TNS3: variants seen among roughly 807,000 people sequenced by gnomAD.
TNS3 encodes the protein tensin 3.
A neutral mutation model predicts 140.9 loss-of-function variants in TNS3; 45 were observed. That is an observed-to-expected ratio of 0.32 (90% CI 0.25 to 0.41). TNS3 has a LOEUF of 0.41. Ranked by LOEUF, TNS3 falls within the 10% of genes least tolerant of loss-of-function variation. The pLI, the probability that TNS3 is intolerant of heterozygous loss-of-function variation, is 1.00. For missense variants in TNS3, 1,716 were observed against 1,906.7 expected (o/e 0.90, Z 1.86); for synonymous variants, 815 against 788.4 (o/e 1.03, Z -0.56).
intron 16 of TNS3, among the ~76,000 whole-genome samples, chr7:47,371,169 T>C (rs1225243205): frequency 2.0e-5 from 3 of 152,062 alleles, no homozygotes; most frequent in Non-Finnish European, 4.4e-5. Flanking sequence ...AAATGCTACA[T>C]AAAATGCTGA....
intron 2 of TNS3, among the ~76,000 whole-genome samples, chr7:47,507,695 A>G (rs1798470175): frequency 6.6e-6 from 1 of 152,152 alleles, no homozygotes; most frequent in African/African-American, 2.4e-5. Context: ...AAACCTCCCC[A>G]CGAGCACCAC....
At chr7:47,526,883 T>C (rs1463367999) in intron 2 of TNS3, among the ~76,000 whole-genome samples, 1 of 152,202 alleles carries the variant, frequency 6.6e-6, no homozygotes, top group Non-Finnish European at 1.5e-5. Context: ...ACCACGACTT[T>C]CCTTTTCCTT....
At chr7:47,520,966 A>G (rs1286528564) in intron 2 of TNS3, among the ~76,000 whole-genome samples, 1 of 152,236 alleles carries the variant, frequency 6.6e-6, no homozygotes, top group Non-Finnish European at 1.5e-5. Flanking sequence ...AGAGCGGATC[A>G]ATGAGCCAGG....
At position 47,358,588 on chromosome 7, in the gene TNS3, C is replaced by T. The variant is rs562142697; in HGVS notation, c.2281+9777G>A. Among the ~76,000 whole-genome samples, 8 of 152,282 alleles carry T rather than the reference C, an allele frequency of 5.3e-5. No homozygotes were observed. In the South Asian group the frequency reaches 1.0e-3, roughly 20 times the overall value. ...GATGAACTGTGGGGAGCGACGCAGC[C>T]GGTGACTTCTGGCAGAAGCCGTGGG... On this transcript the variant is annotated intron_variant, in intron 17 of 30. Coordinates refer to ENST00000311160, the MANE Select transcript of TNS3 (RefSeq NM_022748.12).
At chr7:47,293,422 G>T (rs1353694297) in intron 25 of TNS3, among the ~76,000 whole-genome samples, 1 of 152,160 alleles carries the variant, frequency 6.6e-6, no homozygotes, top group Non-Finnish European at 1.5e-5. Context: ...GTGGGATAGG[G>T]TCATGCTGGA....
At chr7:47,437,867 A>AC (rs1479124046) in intron 6 of TNS3, among the ~76,000 whole-genome samples, 3 of 150,300 alleles carry the variant, frequency 2.0e-5, no homozygotes. Context: ...ACACAAACTG[A>AC]CCCGATAGAG....
intron 4 of TNS3, among the ~76,000 whole-genome samples, chr7:47,459,132 C>T (rs1247640360): frequency 6.6e-6 from 1 of 152,160 alleles, no homozygotes; most frequent in African/African-American, 2.4e-5. Flanking sequence ...TCTTTAACAG[C>T]ATGTTTTTTG....
In TNS3 at chr7:47,435,402, G is replaced by T. The variant is rs749573997; in HGVS notation, c.204C>A (p.Ile68=). The T allele has an allele frequency of 3.0e-5, 48 of 1,613,352 alleles. No homozygotes were observed. Among genetic ancestry groups the T allele is most frequent in the Non-Finnish European group, 1.9e-5 (23 of 1,179,966 alleles). The stretch of plus-strand genomic sequence containing the variant: ...GGAGCTCTGGCCAGCCCACATCCAT[G>T]ATCTGCAACAAGAAAGGGGAGCTTC... ...RYDLTKLNPK[I]MDVGWPELHA... Residue 68 remains isoleucine (I), a splice_region_variant and synonymous_variant, in exon 8 of 31, where the codon ATC becomes ATA. Transcript: ENST00000311160.
chr7:47,378,039 C>T (rs1232175475), intron 16 of TNS3, among the ~76,000 whole-genome samples: 2 of 152,172 alleles, frequency 1.3e-5, no homozygotes, highest in Non-Finnish European at 2.9e-5. Context: ...ATCACTCCGC[C>T]TTTCTGTGCC....
At chr7:47,517,172 G>A (rs2151909139) in intron 2 of TNS3, among the ~76,000 whole-genome samples, 2 of 152,232 alleles carry the variant, frequency 1.3e-5, no homozygotes, top group Middle Eastern at 6.8e-3. Context: ...CCAATTCTAT[G>A]GTCCTACTGG....
At chr7:47,452,880 G>T in intron 4 of TNS3, 1 of 980,580 alleles carries the variant, frequency 1.0e-6, no homozygotes, top group Non-Finnish European at 1.2e-6. Context: ...GACAGACAAA[G>T]TGCCCAGTGC....
chr7:47,297,339 G>A (rs137919221), intron 23 of TNS3, 126 bp from the exon 24 acceptor site: 789 of 1,163,158 alleles, frequency 6.8e-4, no homozygotes, highest in Middle Eastern at 3.1e-3. Context: ...GGACCTGGCC[G>A]GGATCCCTCT....
At position 47,447,248 on chromosome 7, in the gene TNS3, A is replaced by ATGTTTGTTTGTT. The variant is rs3037478; in HGVS notation, c.-75-5205_-75-5194dup. 2.9e-3 allele frequency among the ~76,000 whole-genome samples: 439 copies of ATGTTTGTTTGTT among 149,188 alleles called. 3 individuals carry two copies. The highest frequency in any genetic ancestry group is 5.1e-3 in the African/African-American group (208 of 40,480). ...CTGGAGGGTCATTCTGGTTCCACAT[A>ATGTTTGTTTGTT]TGTTTGTTTGTTTGTTTGTTTGTTT... On this transcript the variant is annotated intron_variant, in intron 4 of 30. Coordinates refer to ENST00000311160, the MANE Select transcript of TNS3 (RefSeq NM_022748.12).
At chr7:47,524,820 A>G (rs1799131288) in intron 2 of TNS3, among the ~76,000 whole-genome samples, 1 of 143,388 alleles carries the variant, frequency 7.0e-6, no homozygotes. Flanking sequence ...AGAAAAAAAA[A>G]AAAAAAAAAA....
At chr7:47,414,247 G>C (rs572549598) in intron 11 of TNS3, among the ~76,000 whole-genome samples, 17 of 152,146 alleles carry the variant, frequency 1.1e-4, no homozygotes, top group African/African-American at 4.1e-4. Context: ...GTGAAGCCAA[G>C]CTGCTTCAAA....
In TNS3 at chr7:47,276,968, A is replaced by G. The variant is rs1342895582; in HGVS notation, c.*1108T>C. On this transcript the variant is annotated 3_prime_UTR_variant, in exon 31 of 31. Coordinates refer to ENST00000311160, the MANE Select transcript of TNS3 (RefSeq NM_022748.12). ...GATGATCGAAAAGCCCATGTGGGGG[A>G]TGCTGAGCTTAAATCCAGGAGTTTT... 1 of 152,188 alleles carries G rather than the reference A, an allele frequency of 6.6e-6. No individual in the cohort carries two copies. The highest frequency in any genetic ancestry group is 1.5e-5 in the Non-Finnish European group (1 of 68,048). 9.4% of individuals were successfully genotyped at this position (152,188 alleles called of 1,614,324 possible).
chr7:47,581,108 A>G (rs1192033786), intron 1 of TNS3, among the ~76,000 whole-genome samples: 1 of 151,864 alleles, frequency 6.6e-6, no homozygotes, highest in Admixed American at 6.6e-5. Context: ...CTGTCTGGAG[A>G]ATGCCTGAGG....
intron 3 of TNS3, among the ~76,000 whole-genome samples, chr7:47,501,691 G>A (rs922694194): frequency 6.6e-6 from 1 of 152,100 alleles, no homozygotes; most frequent in Non-Finnish European, 1.5e-5. Flanking sequence ...GCACAGCTGC[G>A]ACAGCCGAGG....
Position 47,275,634 on chromosome 7 carries a change from T to C in TNS3, c.*2442A>G, listed in dbSNP as rs1237505964. 1 of 367,572 alleles carries C rather than the reference T, an allele frequency of 2.7e-6. No individual in the cohort carries two copies. Among genetic ancestry groups the C allele is most frequent in the African/African-American group, 2.1e-5 (1 of 47,156 alleles). 22.8% of individuals were successfully genotyped at this position (367,572 alleles called of 1,614,324 possible). A position where few individuals can be genotyped will look rare whatever the true frequency, so the allele number is the denominator to read the frequency against. On this transcript the variant is annotated 3_prime_UTR_variant, in exon 31 of 31. Coordinates refer to ENST00000311160, the MANE Select transcript of TNS3 (RefSeq NM_022748.12). The stretch of plus-strand genomic sequence containing the variant: ...GTGATGACACACAGCTTGTTCTGTT[T>C]AATGCACATGTAACACAAAAGGAAG...
Sources: allele counts gnomAD v4.1 joint callset (sites outside exome capture counted in the v4.1 genomes callset), GRCh38; gene constraint gnomAD v4.1.1; transcripts MANE v1.5; gene names NCBI Gene and HGNC (gene_info 2026-07-23, HGNC 2026-07-21).